Variants in EIF2AK2 observed in about 807,000 individuals in gnomAD.
The protein encoded by EIF2AK2 is interferon-induced, double-stranded RNA-activated protein kinase.
In EIF2AK2, 40 loss-of-function variants were observed where a neutral mutation model predicts 70.5. The observed-to-expected ratio is 0.57, with a 90% CI of 0.44 to 0.74. EIF2AK2 has a LOEUF of 0.74. Ranked by LOEUF, EIF2AK2 falls within the 30% of genes least tolerant of loss-of-function variation. The probability of loss-of-function intolerance (pLI) is 0.00; values close to 1 mark genes in which losing one functional copy is unlikely to be tolerated. For missense variants in EIF2AK2, 555 were observed against 644.3 expected, an observed-to-expected ratio of 0.86 and a Z score of 1.50; for synonymous variants, 198 against 220.9, an observed-to-expected ratio of 0.90 and a Z score of 0.92.
intron 4 of EIF2AK2, among the ~76,000 whole-genome samples, chr2:37,142,187 G>C (rs1032941664): frequency 1.4e-4 from 22 of 152,018 alleles, no homozygotes; most frequent in Admixed American, 3.9e-4. Flanking sequence ...CTAGAGTGCA[G>C]TGGTGCAACC....
At chr2:37,134,963 G>T (rs1459024018) in intron 10 of EIF2AK2, among the ~76,000 whole-genome samples, 1 of 152,166 alleles carries the variant, frequency 6.6e-6, no homozygotes, top group Non-Finnish European at 1.5e-5. Flanking sequence ...TCCAGACTTG[G>T]ATTGGGAGCA....
At chr2:37,115,295 C>T (rs963485429) in intron 13 of EIF2AK2, 4 of 154,076 alleles carry the variant, frequency 2.6e-5, no homozygotes, top group Non-Finnish European at 5.5e-5. Context: ...ATCTCCTGAC[C>T]TCATGATCCA....
intron 1 of EIF2AK2, among the ~76,000 whole-genome samples, chr2:37,151,022 CATGACTTTGGATT>C (rs770441789): frequency 9.2e-5 from 14 of 152,126 alleles, no homozygotes; most frequent in Non-Finnish European, 1.5e-4. Flanking sequence ...GGGAGATCTT[CATGACTTTGGATT>C]TGGTGATAAA....
chr2:37,151,695 T>C (rs1675746133), intron 1 of EIF2AK2, among the ~76,000 whole-genome samples: 1 of 152,174 alleles, frequency 6.6e-6, no homozygotes, highest in African/African-American at 2.4e-5. Flanking sequence ...CAAGTGTCCA[T>C]CAACGGATAA....
intron 1 of EIF2AK2, among the ~76,000 whole-genome samples, chr2:37,153,078 G>GT (rs1185403700): frequency 1.3e-5 from 2 of 152,196 alleles, no homozygotes; most frequent in East Asian, 3.9e-4. Context: ...CTCAGAACCA[G>GT]TTCCGACAGC....
chr2:37,155,288 C>G (rs539918579), intron 1 of EIF2AK2, among the ~76,000 whole-genome samples: 41 of 152,280 alleles, frequency 2.7e-4, no homozygotes, highest in Middle Eastern at 6.8e-3. Flanking sequence ...GTGCTCATCC[C>G]CTTTATTAAA....
Position 37,120,910 on chromosome 2 carries a change from G to A in EIF2AK2, c.1068-771C>T, listed in dbSNP as rs1434281644. On this transcript the variant is annotated intron_variant, in intron 12 of 16. Transcript: ENST00000233057. ...ACCCAGAAGGCAGAGATTGCAGTAA[G>A]CTGAGATCACGCCATTGTGCTCCCG... is the stretch of plus-strand genomic sequence containing the variant. Among the ~76,000 whole-genome samples, 4 of 147,596 alleles carry A rather than the reference G, an allele frequency of 2.7e-5. 1 individual carries two copies. The highest frequency in any genetic ancestry group is 4.9e-5 in the African/African-American group (2 of 40,664).
chr2:37,136,224 T>G (rs958892364), intron 9 of EIF2AK2, among the ~76,000 whole-genome samples: 2 of 152,222 alleles, frequency 1.3e-5, no homozygotes, highest in African/African-American at 4.8e-5. Context: ...ACTCCTTAAC[T>G]TCCTTAACAC....
chr2:37,136,815 A>C lies in EIF2AK2; in HGVS notation c.722+168T>G. On this transcript the variant is annotated intron_variant, in intron 9 of 16. Coordinates refer to ENST00000233057, the MANE Select transcript of EIF2AK2 (RefSeq NM_001135651.3). ...TACAGTGTAGCATGTGCACATAGTC[A>C]AAGATTTCTCGACACATCTAAAATT... 3 of 576,024 alleles carry C rather than the reference A, an allele frequency of 5.2e-6. No homozygotes were observed. In the South Asian group the frequency reaches 7.5e-5, roughly 14 times the overall value. The allele number at this position is 576,024 out of a possible 1,614,324, so 35.7% of individuals were successfully genotyped here. A position where few individuals can be genotyped will look rare whatever the true frequency, so the allele number is the denominator to read the frequency against.
intron 10 of EIF2AK2, among the ~76,000 whole-genome samples, chr2:37,127,524 A>T (rs571030221): frequency 6.6e-6 from 1 of 152,172 alleles, no homozygotes; most frequent in East Asian, 1.9e-4. Context: ...CTCAAAGCAC[A>T]CACTCTTCTG....
In EIF2AK2 at chr2:37,111,413, T is replaced by TC. The variant is rs57965581; in HGVS notation, c.1378-2119dup. Among the ~76,000 whole-genome samples the TC allele has an allele frequency of 2.0e-5, 3 of 149,924 alleles. No homozygotes were observed. In the East Asian group the frequency reaches 5.8e-4, roughly 29 times the overall value. On this transcript the variant is annotated intron_variant, in intron 14 of 16. Transcript: ENST00000233057. ...AATTTCTTTTCTTTTTTTTTTTTTT[T>TC]CTTCAGATGGAGTCTCATTCCTGTT...
At chr2:37,149,326 G>T (rs1675663584) in intron 1 of EIF2AK2, 10 of 821,512 alleles carry the variant, frequency 1.2e-5, no homozygotes, top group Non-Finnish European at 2.0e-5. Flanking sequence ...AAACTATGGG[G>T]CCTTTAAAGG....
rs777858459 is a variant in EIF2AK2, at chr2:37,136,978, C to T, written c.722+5G>A. The T allele has an allele frequency of 6.2e-7, 1 of 1,601,688 alleles. No homozygotes were observed. Among genetic ancestry groups the T allele is most frequent in the Non-Finnish European group, 8.5e-7 (1 of 1,175,724 alleles). On this transcript the variant is annotated splice_donor_5th_base_variant and intron_variant, in intron 9 of 16. Transcript: ENST00000233057. ...AAAATATGTTCAATGCATAATGATA[C>T]TCACCTTTTTGCCTTCCTTTGATTA...
At chr2:37,135,631 T>C in intron 9 of EIF2AK2, 85 bp from the exon 10 acceptor site, 1 of 1,282,182 alleles carries the variant, frequency 7.8e-7, no homozygotes, top group Non-Finnish European at 1.1e-6. Flanking sequence ...CCTTTTTCTT[T>C]CTTTTTTTTT....
intron 6 of EIF2AK2, 85 bp downstream of exon 6, chr2:37,139,546 G>A (rs1359422455): frequency 2.0e-6 from 3 of 1,528,594 alleles, no homozygotes; most frequent in Non-Finnish European, 2.7e-6. Context: ...TGGCTGTCTT[G>A]GCATAATGTT....
At chr2:37,129,904 A>G (rs1309111543) in intron 10 of EIF2AK2, among the ~76,000 whole-genome samples, 4 of 152,164 alleles carry the variant, frequency 2.6e-5, no homozygotes, top group African/African-American at 9.7e-5. Context: ...CATATCAAAC[A>G]GACTTAAATC....
intron 10 of EIF2AK2, among the ~76,000 whole-genome samples, chr2:37,133,358 C>T (rs1044756856): frequency 2.6e-5 from 4 of 152,286 alleles, no homozygotes; most frequent in South Asian, 2.1e-4. Context: ...CTCATTTCTC[C>T]TCTTCTGCAT....
rs1227069508 is a variant in EIF2AK2 at position 37,132,606 on chromosome 2, A to AC, written c.785+2877_785+2878insG. 3.3e-5 allele frequency among the ~76,000 whole-genome samples: 5 copies of AC among 152,250 alleles called. No homozygotes were observed. The East Asian group carries it at 9.7e-4, about 29-fold the overall frequency. ...TCTGTCTCAAAAAACAAACAAACAA[A>AC]AAACAACTCTGTTATGGGACATCCA... On this transcript the variant is annotated intron_variant, in intron 10 of 16. Transcript: ENST00000233057.
chr2:37,107,515 G>C lies in EIF2AK2; in HGVS notation c.1492C>G (p.Leu498Val), dbSNP rs1429250867. 2 of 1,611,116 alleles carry C rather than the reference G, an allele frequency of 1.2e-6. No homozygotes were observed. Among genetic ancestry groups the C allele is most frequent in the South Asian group, 1.1e-5 (1 of 90,558 alleles). The change falls in exon 16 of 17, where the codon CTA becomes GTA. Residue 498 changes from leucine to valine, a missense_variant. This residue lies in a region of EIF2AK2 where 299 missense variants were observed against 375.4 expected (regional missense o/e 0.80). Transcript: ENST00000233057. ...AFETSKFFTD[L>V]RDGIISDIFD... ...ATATCTGAGATGATGCCATCCCGTA[G>C]GTCTGTGAAAAACTGGAAAAAAAAA...
Sources: allele counts gnomAD v4.1 joint callset (sites outside exome capture counted in the v4.1 genomes callset), GRCh38; gene constraint gnomAD v4.1.1; regional missense constraint gnomAD v4.1.1; transcripts MANE v1.5; gene names NCBI Gene and HGNC (gene_info 2026-07-23, HGNC 2026-07-21).